TDRD3: variants seen among roughly 807,000 people sequenced by gnomAD.
The protein encoded by TDRD3 is tudor domain containing 3, also known as tudor domain-containing protein 3.
A neutral mutation model predicts 86.7 loss-of-function variants in TDRD3; 45 were observed. The observed-to-expected ratio is 0.52, with a 90% CI of 0.41 to 0.67. The LOEUF (loss-of-function observed/expected upper bound fraction) is 0.67, where lower values mean the gene tolerates loss of function less well. TDRD3 is among the 30% of genes least tolerant of loss of function. The pLI is 0.00. For missense variants in TDRD3, 814 were observed against 889.0 expected (o/e 0.92, Z 1.07); for synonymous variants, 298 against 301.7 (o/e 0.99, Z 0.13).
intron 12 of TDRD3, among the ~76,000 whole-genome samples, chr13:60,548,228 AGTCCT>A (rs1957975389): frequency 6.6e-6 from 1 of 152,180 alleles, no homozygotes; most frequent in African/African-American, 2.4e-5. Flanking sequence ...TCAGAAATTA[AGTCCT>A]AGCCCACCCT....
intron 8 of TDRD3, among the ~76,000 whole-genome samples, chr13:60,500,097 A>G (rs908902627): frequency 3.3e-5 from 5 of 152,222 alleles, no homozygotes; most frequent in South Asian, 2.1e-4. Flanking sequence ...AGGCCCTGCC[A>G]TCTTCTGTGG....
intron 10 of TDRD3, among the ~76,000 whole-genome samples, chr13:60,511,714 C>G (rs1305220329): frequency 1.3e-5 from 2 of 152,082 alleles, no homozygotes; most frequent in African/African-American, 4.8e-5. Flanking sequence ...ACAGGCTCAC[C>G]CATTCTAGCA....
At chr13:60,525,100 A>AAC (rs1566271672) in intron 10 of TDRD3, among the ~76,000 whole-genome samples, 9 of 149,464 alleles carry the variant, frequency 6.0e-5, no homozygotes, top group African/African-American at 2.2e-4. Context: ...AAAAAAAAAA[A>AAC]AAAAAAAAAC....
chr13:60,521,114 G>A (rs1957276765), intron 10 of TDRD3, among the ~76,000 whole-genome samples: 1 of 152,150 alleles, frequency 6.6e-6, no homozygotes, highest in Non-Finnish European at 1.5e-5. Context: ...TGTGTGTTGT[G>A]CAATCTTTTT....
At chr13:60,557,819 G>GTTTTTTTTTTTTTTTTTTTTTT (rs1491187240) in intron 12 of TDRD3, among the ~76,000 whole-genome samples, 4 of 89,932 alleles carry the variant, frequency 4.4e-5, no homozygotes, top group South Asian at 4.8e-4. Context: ...TTTTTTTCCT[G>GTTTTTTTTTTTTTTTTTTTTTT]ATTTTTTTTT....
intron 10 of TDRD3, among the ~76,000 whole-genome samples, chr13:60,516,644 A>G (rs80141135): frequency 6.6e-6 from 1 of 152,336 alleles, no homozygotes; most frequent in East Asian, 1.9e-4. Context: ...ATGGAGAAGT[A>G]GTGACAGCAC....
intron 12 of TDRD3, among the ~76,000 whole-genome samples, chr13:60,543,716 A>C (rs1400567310): frequency 1.3e-5 from 2 of 152,122 alleles, no homozygotes; most frequent in African/African-American, 2.4e-5. Context: ...TTTTTCCTCA[A>C]TCACATTCCA....
intron 1 of TDRD3, among the ~76,000 whole-genome samples, chr13:60,410,589 C>T (rs1954339949): frequency 1.3e-5 from 2 of 152,142 alleles, no homozygotes; most frequent in South Asian, 4.1e-4. Context: ...TAGGAATTGG[C>T]CACGATCTTT....
rs1292230553 is a variant in TDRD3 at position 60,444,684 on chromosome 13, C to T, written c.128C>T (p.Thr43Ile). The change falls in exon 3 of 14, where the codon ACA (threonine) becomes ATA (isoleucine). Residue 43 changes from threonine (T) to isoleucine (I), a missense_variant and splice_region_variant. Thr to Ile is a moderately conservative substitution (Grantham distance 89). Coordinates refer to ENST00000377881, the MANE Select transcript of TDRD3 (RefSeq NM_001146070.2). ...VNDIILIALN[T>I]DLRTIGKKFL... ...TTAATAATAATATTTTTATTTTAGA[C>T]AGATCTGAGAACAATTGGCAAGAAA... 7.1e-7 allele frequency: 1 copy of T among 1,418,196 alleles called. No homozygotes were observed. The highest frequency in any genetic ancestry group is 9.5e-7 in the Non-Finnish European group (1 of 1,056,186). 87.9% of individuals were successfully genotyped at this position (1,418,196 alleles called of 1,614,324 possible).
chr13:60,456,008 T>C (rs1955660870), intron 3 of TDRD3, among the ~76,000 whole-genome samples: 1 of 144,972 alleles, frequency 6.9e-6, no homozygotes, highest in South Asian at 2.2e-4. Flanking sequence ...AGGCGGAGGT[T>C]GCAGTGAGCC....
In TDRD3 at chr13:60,529,096, C is replaced by T; in HGVS notation, c.1871C>T (p.Pro624Leu). The stretch of plus-strand genomic sequence containing the variant: ...GATAAAATATTTTACAATAGTGGGC[C>T]CAAACGAAGATCTGGGCCAATTAAG... The part of the protein sequence containing the change: ...CDDKIFYNSG[P>L]KRRSGPIKPE... The change falls in exon 11 of 14, where the codon CCC becomes CTC. Residue 624 changes from proline to leucine, a missense_variant. By Grantham distance (98) the Pro-to-Leu change is moderately conservative. Coordinates refer to ENST00000377881, the MANE Select transcript of TDRD3 (RefSeq NM_001146070.2). The T allele has an allele frequency of 6.2e-7, 1 of 1,613,812 alleles. No homozygotes were observed. The highest frequency in any genetic ancestry group is 8.5e-7 in the Non-Finnish European group (1 of 1,179,912).
chr13:60,553,032 C>T (rs563115876), intron 12 of TDRD3, among the ~76,000 whole-genome samples: 1 of 152,296 alleles, frequency 6.6e-6, no homozygotes, highest in South Asian at 2.1e-4. Flanking sequence ...ACATTTTCCC[C>T]ATTGTCTTGG....
At chr13:60,400,337 A>G (rs908193151) in intron 1 of TDRD3, among the ~76,000 whole-genome samples, 1 of 152,164 alleles carries the variant, frequency 6.6e-6, no homozygotes, top group Non-Finnish European at 1.5e-5. Flanking sequence ...AAGATTCAAA[A>G]TGTTGATCTC....
At chr13:60,463,809 A>G (rs1294885252) in intron 4 of TDRD3, among the ~76,000 whole-genome samples, 1 of 152,220 alleles carries the variant, frequency 6.6e-6, no homozygotes, top group Non-Finnish European at 1.5e-5. Flanking sequence ...TCACACAGTT[A>G]GAATGCCTAT....
intron 7 of TDRD3, among the ~76,000 whole-genome samples, chr13:60,489,365 A>G (rs1185279082): frequency 6.6e-6 from 1 of 152,202 alleles, no homozygotes; most frequent in Admixed American, 6.5e-5. Context: ...AGCTTAGCTT[A>G]CAACTGCTTT....
At chr13:60,423,736 G>A (rs1954722164) in intron 1 of TDRD3, among the ~76,000 whole-genome samples, 1 of 152,048 alleles carries the variant, frequency 6.6e-6, no homozygotes, top group Non-Finnish European at 1.5e-5. Context: ...GTATTTAATT[G>A]TAAAAAAATG....
intron 12 of TDRD3, among the ~76,000 whole-genome samples, chr13:60,561,426 TTC>T: frequency 6.6e-6 from 1 of 152,256 alleles, no homozygotes; most frequent in East Asian, 1.9e-4. Context: ...GGTTTTTAAT[TTC>T]TGTGGCTTGA....
chr13:60,457,592 A>G (rs765786059), intron 3 of TDRD3, among the ~76,000 whole-genome samples: 6 of 152,260 alleles, frequency 3.9e-5, no homozygotes, highest in South Asian at 2.1e-4. Flanking sequence ...AACTCATTCC[A>G]TAAGTGGGTA....
chr13:60,545,891 C>A (rs1483957558), intron 12 of TDRD3, among the ~76,000 whole-genome samples: 1 of 151,342 alleles, frequency 6.6e-6, no homozygotes, highest in Non-Finnish European at 1.5e-5. Flanking sequence ...TCCTCTGTTT[C>A]TCTCTTTTTT....
Sources: allele counts gnomAD v4.1 joint callset (sites outside exome capture counted in the v4.1 genomes callset), GRCh38; gene constraint gnomAD v4.1.1; transcripts MANE v1.5; gene names NCBI Gene and HGNC (gene_info 2026-07-23, HGNC 2026-07-21).